Variants in SDK1 observed in about 807,000 individuals in gnomAD.
SDK1 encodes the protein sidekick cell adhesion molecule 1.
In SDK1, 157 loss-of-function variants were observed where a neutral mutation model predicts 245.5. The observed-to-expected ratio is 0.64, with a 90% CI of 0.56 to 0.73. SDK1 has a LOEUF of 0.73. SDK1 is among the 30% of genes least tolerant of loss of function. The pLI is 0.00. For missense variants in SDK1, 3,583 were observed against 3,002.3 expected, an observed-to-expected ratio of 1.19 and a Z score of -4.52; for synonymous variants, 1,647 against 1,278.5, an observed-to-expected ratio of 1.29 and a Z score of -6.15.
rs1039736430 is a variant in SDK1, at chr7:3,620,490, A to G, written c.458+1251A>G. ...GCTAATTTTTGTATTTTTAGTAGAGATGGGGTTTCACCATGTTGACCAGGC... is the reference window on the plus strand; with the variant it reads ...GCTAATTTTTGTATTTTTAGTAGAGGTGGGGTTTCACCATGTTGACCAGGC... On this transcript the variant is annotated intron_variant, in intron 2 of 44. Transcript: ENST00000404826. Among the ~76,000 whole-genome samples, 9 of 152,110 alleles carry G rather than the reference A, an allele frequency of 5.9e-5. No homozygotes were observed. In the South Asian group the frequency reaches 6.2e-4, roughly 11 times the overall value.
intron 5 of SDK1, among the ~76,000 whole-genome samples, chr7:3,916,423 T>A (rs1779382415): frequency 6.6e-6 from 1 of 152,210 alleles, no homozygotes; most frequent in Admixed American, 6.5e-5. Context: ...GAGTTTGGGG[T>A]CCTGAGTTTC....
chr7:3,418,480 C>T (rs914905055), intron 1 of SDK1, among the ~76,000 whole-genome samples: 1 of 152,122 alleles, frequency 6.6e-6, no homozygotes, highest in African/African-American at 2.4e-5. Context: ...CTGCTTATCA[C>T]TCAGCCAAAA....
At chr7:3,883,710 C>A (rs1206319880) in intron 5 of SDK1, among the ~76,000 whole-genome samples, 2 of 151,606 alleles carry the variant, frequency 1.3e-5, no homozygotes. Flanking sequence ...CCCTCCCTCC[C>A]TCCCTCCCAT....
At position 4,221,312 on chromosome 7, in the gene SDK1, A is replaced by C. The variant is rs759926977; in HGVS notation, c.5775A>C (p.Gly1925=). The part of the protein sequence containing the change: ...ASELTLQWTE[G]HSGDTPTTGY... ...AACTGACGCTGCAGTGGACTGAGGGACACTCTGGCGACACACCTACCACGG... is the reference window on the plus strand; with the variant it reads ...AACTGACGCTGCAGTGGACTGAGGGCCACTCTGGCGACACACCTACCACGG... The change falls in exon 40 of 45, where the codon GGA becomes GGC. Residue 1925 remains glycine, a synonymous_variant. Coordinates refer to ENST00000404826, the MANE Select transcript of SDK1 (RefSeq NM_152744.4). 1 of 1,613,538 alleles carries C rather than the reference A, an allele frequency of 6.2e-7. No individual in the cohort carries two copies. Among genetic ancestry groups the C allele is most frequent in the Admixed American group, 1.7e-5 (1 of 59,992 alleles).
chr7:3,972,524 T>A (rs896251382), intron 12 of SDK1, among the ~76,000 whole-genome samples: 2 of 152,348 alleles, frequency 1.3e-5, no homozygotes, highest in South Asian at 2.1e-4. Context: ...AGCAGCCACC[T>A]TCAGGATAAT....
intron 1 of SDK1, among the ~76,000 whole-genome samples, chr7:3,470,306 G>A (rs928770963): frequency 6.6e-6 from 1 of 152,084 alleles, no homozygotes; most frequent in African/African-American, 2.4e-5. Context: ...TAACAGATAG[G>A]TATAGGATCT....
At chr7:3,938,091 C>G (rs181777239) in intron 5 of SDK1, among the ~76,000 whole-genome samples, 1 of 152,172 alleles carries the variant, frequency 6.6e-6, no homozygotes, top group Middle Eastern at 3.2e-3. Context: ...CCTGCCTTGA[C>G]CTCCCAAAGT....
intron 1 of SDK1, among the ~76,000 whole-genome samples, chr7:3,504,562 T>A (rs1782328605): frequency 6.6e-6 from 1 of 152,140 alleles, no homozygotes; most frequent in Non-Finnish European, 1.5e-5. Context: ...TTAAACTGGG[T>A]AAGAATAGTC....
intron 4 of SDK1, among the ~76,000 whole-genome samples, chr7:3,740,113 G>T (rs1044469634): frequency 6.6e-6 from 1 of 152,116 alleles, no homozygotes; most frequent in African/African-American, 2.4e-5. Flanking sequence ...GTGTGTTGAG[G>T]CTTGCCTGCT....
rs759256117 is a variant in SDK1 at position 4,208,130 on chromosome 7, A to C, written c.5246A>C (p.Glu1749Ala). 3 of 1,613,956 alleles carry C rather than the reference A, an allele frequency of 1.9e-6. No homozygotes were observed. Among genetic ancestry groups the C allele is most frequent in the South Asian group, 1.1e-5 (1 of 91,038 alleles). Residue 1749 changes from glutamate to alanine, a missense_variant, in exon 37 of 45, where the codon GAA (glutamate) becomes GCA (alanine). Glu to Ala is a moderately radical substitution (Grantham distance 107). Coordinates refer to ENST00000404826, the MANE Select transcript of SDK1 (RefSeq NM_152744.4). ...IYYWEADSQN[E>A]TEKMKVLFLP... ...TACTGGGAGGCAGACAGCCAGAACG[A>C]AACGGAGAAAATGAAGGTCCTCTTC...
At chr7:4,077,424 G>T (rs1209694371) in intron 21 of SDK1, among the ~76,000 whole-genome samples, 2 of 152,222 alleles carry the variant, frequency 1.3e-5, no homozygotes, top group Non-Finnish European at 2.9e-5. Flanking sequence ...TTTGGCCTCA[G>T]CCAGTTCCCA....
At chr7:3,333,551 C>T (rs1210477900) in intron 1 of SDK1, among the ~76,000 whole-genome samples, 1 of 152,098 alleles carries the variant, frequency 6.6e-6, no homozygotes, top group African/African-American at 2.4e-5. Context: ...AGCCTGGATT[C>T]CAGGCTCATC....
chr7:3,737,294 C>T (rs117988745), intron 4 of SDK1, among the ~76,000 whole-genome samples: 2,959 of 152,210 alleles, frequency 0.019, 45 homozygotes, highest in Non-Finnish European at 0.034. Context: ...GGTTGATCTC[C>T]CTGTTTGGGG....
chr7:3,646,436 A>G (rs1782838275), intron 4 of SDK1, among the ~76,000 whole-genome samples: 1 of 152,226 alleles, frequency 6.6e-6, no homozygotes, highest in Non-Finnish European at 1.5e-5. Context: ...ACCTACTTTA[A>G]ACATATCTTC....
At chr7:3,344,392 A>G (rs1308226069) in intron 1 of SDK1, among the ~76,000 whole-genome samples, 5 of 151,894 alleles carry the variant, frequency 3.3e-5, no homozygotes, top group African/African-American at 2.4e-5. Flanking sequence ...TCAGGATCCA[A>G]TTTTTTTTCT....
At chr7:3,496,305 A>G (rs1253820540) in intron 1 of SDK1, among the ~76,000 whole-genome samples, 1 of 152,100 alleles carries the variant, frequency 6.6e-6, no homozygotes, top group Non-Finnish European at 1.5e-5. Flanking sequence ...TGCTGTTATT[A>G]TCATTAGTTT....
Position 4,245,776 on chromosome 7 carries a change from G to A in SDK1, c.6352G>A (p.Glu2118Lys). 6.2e-7 allele frequency: 1 copy of A among 1,613,946 alleles called. No homozygotes were observed. Among genetic ancestry groups the A allele is most frequent in the Non-Finnish European group, 8.5e-7 (1 of 1,179,962 alleles). ...AVLTESVSLK[E>K]KSADASESEA... ...GCTGACCGAGAGCGTGAGCCTCAAG[G>A]AGAAGTCGGCAGATGCATCAGAATC... The change falls in exon 44 of 45, where the codon GAG (glutamate) becomes AAG (lysine). Residue 2118 changes from glutamate to lysine, a missense_variant. Physicochemically the swap from Glu to Lys is moderately conservative, Grantham distance 56. Coordinates refer to ENST00000404826, the MANE Select transcript of SDK1 (RefSeq NM_152744.4).
intron 1 of SDK1, among the ~76,000 whole-genome samples, chr7:3,538,138 A>T (rs1453621539): frequency 1.3e-5 from 2 of 152,118 alleles, no homozygotes; most frequent in African/African-American, 4.8e-5. Flanking sequence ...TTAGCATGAC[A>T]TCCAGGATGT....
intron 1 of SDK1, among the ~76,000 whole-genome samples, chr7:3,431,230 G>A (rs985244335): frequency 1.3e-5 from 2 of 151,946 alleles, no homozygotes; most frequent in African/African-American, 2.4e-5. Context: ...AGAAAACAAT[G>A]ATCACCATAC....
Sources: allele counts gnomAD v4.1 joint callset (sites outside exome capture counted in the v4.1 genomes callset), GRCh38; gene constraint gnomAD v4.1.1; transcripts MANE v1.5; gene names NCBI Gene and HGNC (gene_info 2026-07-23, HGNC 2026-07-21).